ZNF507: variants seen among roughly 807,000 people sequenced by gnomAD.
ZNF507 encodes the protein zinc finger protein 507.
In ZNF507, 29 loss-of-function variants were observed where a neutral mutation model predicts 80.0. That is an observed-to-expected ratio of 0.36 (90% CI 0.27 to 0.49). The LOEUF is 0.49. Among genes scored for constraint, ZNF507 ranks in the 20% least tolerant of loss-of-function variants. The probability of loss-of-function intolerance (pLI) is 0.98; values close to 1 mark genes in which losing one functional copy is unlikely to be tolerated. For missense variants in ZNF507, 1,081 were observed against 1,152.2 expected, an observed-to-expected ratio of 0.94 and a Z score of 0.90; for synonymous variants, 462 against 422.5, an observed-to-expected ratio of 1.09 and a Z score of -1.15.
chr19:32,346,388 G>A (rs1240939323), intron 1 of ZNF507, among the ~76,000 whole-genome samples: 4 of 152,134 alleles, frequency 2.6e-5, no homozygotes, highest in African/African-American at 7.2e-5. Flanking sequence ...ATAAGGTGGC[G>A]GCCACTTTCC....
At chr19:32,375,007 G>C (rs372475076) in intron 5 of ZNF507, among the ~76,000 whole-genome samples, 1 of 152,118 alleles carries the variant, frequency 6.6e-6, no homozygotes, top group East Asian at 1.9e-4. Flanking sequence ...GTTTTATTAG[G>C]AATGTATATT....
chr19:32,380,572 GCCT>G (rs1442701816), intron 5 of ZNF507: 2 of 1,534,490 alleles, frequency 1.3e-6, no homozygotes, highest in Admixed American at 3.9e-5. Flanking sequence ...TTTTCTTTGT[GCCT>G]CGTTATTGCT....
chr19:32,368,526 A>G (rs1967428987), intron 5 of ZNF507, among the ~76,000 whole-genome samples: 1 of 152,240 alleles, frequency 6.6e-6, no homozygotes, highest in South Asian at 2.1e-4. Context: ...CACTTCCACC[A>G]GAGTTACAGG....
At chr19:32,369,195 G>C (rs772452805) in intron 5 of ZNF507, among the ~76,000 whole-genome samples, 1 of 152,122 alleles carries the variant, frequency 6.6e-6, no homozygotes, top group Non-Finnish European at 1.5e-5. Context: ...ATACAGGTTG[G>C]GTGTTATTGG....
At chr19:32,379,616 G>A (rs1967597951) in intron 5 of ZNF507, among the ~76,000 whole-genome samples, 1 of 152,232 alleles carries the variant, frequency 6.6e-6, no homozygotes, top group African/African-American at 2.4e-5. Flanking sequence ...TATAACATAT[G>A]TATGTGTATA....
chr19:32,382,085 A>G (rs1042613865), intron 5 of ZNF507: 3 of 159,248 alleles, frequency 1.9e-5, no homozygotes, highest in East Asian at 1.8e-4. Context: ...TGCTTTCTCA[A>G]GTAGTAGAGT....
chr19:32,372,723 G>A (rs536536676), intron 5 of ZNF507, among the ~76,000 whole-genome samples: 2 of 152,012 alleles, frequency 1.3e-5, no homozygotes, highest in South Asian at 2.1e-4. Context: ...ACCCACCACC[G>A]AGAGAAAAAC....
At chr19:32,370,825 C>T (rs1967460685) in intron 5 of ZNF507, among the ~76,000 whole-genome samples, 1 of 152,054 alleles carries the variant, frequency 6.6e-6, no homozygotes, top group Admixed American at 6.5e-5. Flanking sequence ...CGAGATTTTT[C>T]CTTGTATTCT....
At chr19:32,381,368 G>A (rs975402269) in intron 5 of ZNF507, among the ~76,000 whole-genome samples, 9 of 152,098 alleles carry the variant, frequency 5.9e-5, no homozygotes, top group African/African-American at 1.4e-4. Flanking sequence ...CACTTTGGGA[G>A]GCAGGTGGAT....
intron 1 of ZNF507, 104 bp from the exon 2 acceptor site, chr19:32,347,141 A>G (rs1436418047): frequency 6.6e-6 from 1 of 152,264 alleles, no homozygotes; most frequent in Non-Finnish European, 1.5e-5. Context: ...TTCTTTTTAC[A>G]TGGAATATTG....
chr19:32,346,540 G>A (rs1397202548), intron 1 of ZNF507, among the ~76,000 whole-genome samples: 1 of 152,188 alleles, frequency 6.6e-6, no homozygotes, highest in Admixed American at 6.5e-5. Flanking sequence ...CTCAGAGTAT[G>A]GGTTGCATTA....
chr19:32,380,666 C>CA, intron 5 of ZNF507: 2 of 1,518,208 alleles, frequency 1.3e-6, no homozygotes, highest in Non-Finnish European at 8.8e-7. Context: ...AAGTATTTAA[C>CA]AAAAATGTCT....
At position 32,353,106 on chromosome 19, in the gene ZNF507, A is replaced by C; in HGVS notation, c.276A>C (p.Val92=). Residue 92 remains valine (V), a synonymous_variant, in exon 3 of 7, where the codon GTA becomes GTC. Transcript: ENST00000355898. ...AACTTTGTGAGATTCCGGCTAAAGTAATCCAGTCACCTGCTGCTGATACTA... is the reference window on the plus strand; with the variant it reads ...AACTTTGTGAGATTCCGGCTAAAGTCATCCAGTCACCTGCTGCTGATACTA... ...TQELCEIPAK[V]IQSPAADTRR... 3 of 1,614,240 alleles carry C rather than the reference A, an allele frequency of 1.9e-6. No individual in the cohort carries two copies.
chr19:32,360,048 G>A (rs1967301338), intron 4 of ZNF507, among the ~76,000 whole-genome samples: 1 of 152,200 alleles, frequency 6.6e-6, no homozygotes, highest in African/African-American at 2.4e-5. Context: ...TATTGAGTTG[G>A]TTATATATGC....
chr19:32,381,018 C>A (rs2145345498), intron 5 of ZNF507, among the ~76,000 whole-genome samples: 1 of 152,250 alleles, frequency 6.6e-6, no homozygotes, highest in Middle Eastern at 3.4e-3. Context: ...AGATATTGTT[C>A]AGCAGGTGAG....
chr19:32,383,378 A>C lies in ZNF507; in HGVS notation c.*295A>C. The C allele has an allele frequency of 3.4e-6, 1 of 292,616 alleles. No homozygotes were observed. Among genetic ancestry groups the C allele is most frequent in the South Asian group, 4.7e-5 (1 of 21,282 alleles). The allele number at this position is 292,616 out of a possible 1,614,324, so 18.1% of individuals were successfully genotyped here. ...AGTGTCGAGTGTATTTATTAATAAA[A>C]GCTTATTAGAGTGTAGAAATGCCAG... On this transcript the variant is annotated 3_prime_UTR_variant, in exon 7 of 7. Transcript: ENST00000355898.
At chr19:32,359,355 G>T (rs576735068) in intron 4 of ZNF507, 1 of 152,186 alleles carries the variant, frequency 6.6e-6, no homozygotes, top group East Asian at 1.9e-4. Context: ...TTTCAGTGTG[G>T]GTTTTCCTTT....
chr19:32,375,305 C>T (rs142277362), intron 5 of ZNF507, among the ~76,000 whole-genome samples: 132 of 152,148 alleles, frequency 8.7e-4, no homozygotes, highest in African/African-American at 2.9e-3. Context: ...CCCAGACAGC[C>T]GCCACAGTGA....
At chr19:32,360,450 G>A in intron 4 of ZNF507, 54 bp from the exon 5 acceptor site, 1 of 876,450 alleles carries the variant, frequency 1.1e-6, no homozygotes, top group Non-Finnish European at 1.7e-6. Context: ...TGTAAATGCT[G>A]TCATTTGAAT....
Sources: gnomAD v4.1 joint callset for allele counts (sites outside exome capture counted in the v4.1 genomes callset) on GRCh38, gnomAD v4.1.1 for gene constraint, MANE v1.5 for transcripts, NCBI Gene and HGNC (gene_info 2026-07-23, HGNC 2026-07-21) for gene names.